MARCHF6: variants seen among roughly 807,000 people sequenced by gnomAD.
MARCHF6 encodes E3 ubiquitin-protein ligase MARCHF6.
MARCHF6 carries 31 observed loss-of-function variants against 133.7 expected under a neutral mutation model. The ratio of observed to expected loss-of-function variants is 0.23; its 90% CI spans 0.17 to 0.31. MARCHF6 has a LOEUF of 0.31. Among genes scored for constraint, MARCHF6 ranks in the 10% least tolerant of loss-of-function variants. MARCHF6 has a pLI of 1.00. For synonymous variants in MARCHF6, 395 were observed against 402.5 expected (o/e 0.98, Z 0.22); for missense variants, 723 against 1,121.6 (o/e 0.64, Z 5.08).
rs920024071 is a variant in MARCHF6, at chr5:10,353,844, C to T, written c.-55C>T. 2.0e-6 allele frequency: 3 copies of T among 1,528,650 alleles called. No individual in the cohort carries two copies. The highest frequency in any genetic ancestry group is 2.8e-5 in the African/African-American group (2 of 71,720). The allele number at this position is 1,528,650 out of a possible 1,614,324, so 94.7% of individuals were successfully genotyped here. A position where few individuals can be genotyped will look rare whatever the true frequency, so the allele number is the denominator to read the frequency against. On this transcript the variant is annotated 5_prime_UTR_variant, in exon 1 of 26. Coordinates refer to ENST00000274140, the MANE Select transcript of MARCHF6 (RefSeq NM_005885.4). ...CCCTCCTCCTCTCCCCTCCCTCTTT[C>T]CCCGCCCGGCCGCGGGAGCCTCGTG...
At chr5:10,421,908 T>C (rs1739842018) in intron 22 of MARCHF6, 1 of 152,252 alleles carries the variant, frequency 6.6e-6, no homozygotes, top group South Asian at 2.1e-4. Flanking sequence ...CAGAGGAAAT[T>C]ATAACAAGTG....
At chr5:10,412,565 A>T (rs1739291389) in intron 19 of MARCHF6, among the ~76,000 whole-genome samples, 1 of 152,060 alleles carries the variant, frequency 6.6e-6, no homozygotes, top group Non-Finnish European at 1.5e-5. Flanking sequence ...AGAATTGCAG[A>T]TAAGAGAGTT....
intron 14 of MARCHF6, 74 bp downstream of exon 14, chr5:10,402,681 CT>C: frequency 8.2e-7 from 1 of 1,225,854 alleles, no homozygotes; most frequent in Non-Finnish European, 1.2e-6. Context: ...AGCATGTATT[CT>C]TTTTAAAGGA....
chr5:10,353,997 G>A, intron 1 of MARCHF6, 80 bp downstream of exon 1: 1 of 1,406,450 alleles, frequency 7.1e-7, no homozygotes, highest in Non-Finnish European at 9.4e-7. Flanking sequence ...GGCGCTCGAG[G>A]TGGGCTGCTG....
chr5:10,377,940 C>T (rs374516064), intron 2 of MARCHF6, 46 bp downstream of exon 2: 18 of 1,101,470 alleles, frequency 1.6e-5, no homozygotes, highest in Admixed American at 5.1e-5. Context: ...GCTTCAGTTT[C>T]GTCATGTATA....
At chr5:10,396,835 T>C (rs962180408) in intron 9 of MARCHF6, among the ~76,000 whole-genome samples, 2 of 151,760 alleles carry the variant, frequency 1.3e-5, no homozygotes, top group African/African-American at 4.8e-5. Context: ...TCCAAAGGAG[T>C]GGTAGCCAGG....
In MARCHF6 at chr5:10,385,224, TG is replaced by T. The variant is rs1737395477; in HGVS notation, c.335-1768del. Among the ~76,000 whole-genome samples the T allele has an allele frequency of 2.0e-5, 3 of 152,354 alleles. No homozygotes were observed. In the East Asian group the frequency reaches 5.8e-4, roughly 29 times the overall value. On this transcript the variant is annotated intron_variant, in intron 4 of 25. Coordinates refer to ENST00000274140, the MANE Select transcript of MARCHF6 (RefSeq NM_005885.4). ...AGCTTGAGGGAGCCTTCTGGGGAGCTGGAAGTGTTGAACATCTTGATTTGGG... is the reference window on the plus strand; with the variant it reads ...AGCTTGAGGGAGCCTTCTGGGGAGCTGAAGTGTTGAACATCTTGATTTGGG...
In MARCHF6 at chr5:10,428,908, G is replaced by A. The variant is rs370621932; in HGVS notation, c.2507-985G>A. ...AAAAGAGTGGCAAATGAAAAATGTTGGTACCTGTTTTGCCCTGTTTAGATG... is the reference window on the plus strand; with the variant it reads ...AAAAGAGTGGCAAATGAAAAATGTTAGTACCTGTTTTGCCCTGTTTAGATG... On this transcript the variant is annotated intron_variant, in intron 24 of 25. Coordinates refer to ENST00000274140, the MANE Select transcript of MARCHF6 (RefSeq NM_005885.4). Among the ~76,000 whole-genome samples the A allele has an allele frequency of 9.9e-5, 15 of 152,212 alleles. No homozygotes were observed. In the South Asian group the frequency reaches 1.2e-3, roughly 13 times the overall value.
In MARCHF6 at chr5:10,353,906, C is replaced by T; in HGVS notation, c.8C>T (p.Thr3Ile). 13 of 1,564,672 alleles carry T rather than the reference C, an allele frequency of 8.3e-6. No homozygotes were observed. Among genetic ancestry groups the T allele is most frequent in the Non-Finnish European group, 1.0e-5 (12 of 1,159,892 alleles). The change falls in exon 1 of 26, where the codon ACC becomes ATC. Residue 3 changes from threonine to isoleucine, a missense_variant. Transcript: ENST00000274140. MDTAEEDICRVCR... is the reference protein window; with the variant it reads MDIAEEDICRVCR... The stretch of plus-strand genomic sequence containing the variant: ...GCCGCCCCCCCAGACAAGATGGACA[C>T]CGCGGAGGAAGGTAAGTCGGCGACG...
intron 1 of MARCHF6, among the ~76,000 whole-genome samples, chr5:10,372,928 G>A (rs574620725): frequency 1.3e-5 from 2 of 152,194 alleles, no homozygotes; most frequent in East Asian, 3.9e-4. Flanking sequence ...GGGCATGGTG[G>A]CTCATGCCTG....
At chr5:10,387,587 GCCACC>G (rs1737564369) in intron 5 of MARCHF6, among the ~76,000 whole-genome samples, 1 of 152,172 alleles carries the variant, frequency 6.6e-6, no homozygotes, top group Non-Finnish European at 1.5e-5. Flanking sequence ...ACAGGCGTGA[GCCACC>G]GCGCCCGTCC....
At chr5:10,430,136 C>A in intron 25 of MARCHF6, 108 bp downstream of exon 25, 1 of 1,303,860 alleles carries the variant, frequency 7.7e-7, no homozygotes, top group Non-Finnish European at 1.1e-6. Flanking sequence ...TCTGGATATA[C>A]TTGGAGGTGG....
intron 18 of MARCHF6, 152 bp downstream of exon 18, chr5:10,410,428 T>C (rs1739151223): frequency 1.1e-6 from 1 of 897,326 alleles, no homozygotes; most frequent in Non-Finnish European, 1.6e-6. Context: ...ATAATACTTC[T>C]AAATGAAATT....
intron 25 of MARCHF6, 21 bp from the exon 26 acceptor site, chr5:10,433,573 C>A (rs759392557): frequency 3.8e-6 from 6 of 1,577,128 alleles, no homozygotes; most frequent in Non-Finnish European, 5.2e-6. Flanking sequence ...AGAGAGTAAC[C>A]ACCTTGTTTT....
chr5:10,387,114 T>A, intron 5 of MARCHF6, 48 bp downstream of exon 5: 1 of 1,358,650 alleles, frequency 7.4e-7, no homozygotes, highest in Non-Finnish European at 1.0e-6. Context: ...TAGATGATGC[T>A]TGCTTTTTTC....
At chr5:10,410,896 T>G (rs1334913676) in intron 18 of MARCHF6, among the ~76,000 whole-genome samples, 1 of 152,224 alleles carries the variant, frequency 6.6e-6, no homozygotes, top group Non-Finnish European at 1.5e-5. Context: ...TGTAGCTACA[T>G]GTTGCAGTAG....
intron 1 of MARCHF6, among the ~76,000 whole-genome samples, chr5:10,367,261 A>G (rs1262679401): frequency 1.3e-5 from 2 of 152,228 alleles, no homozygotes; most frequent in African/African-American, 4.8e-5. Flanking sequence ...AGACTAAGGA[A>G]ATCAGAATAA....
intron 15 of MARCHF6, 129 bp downstream of exon 15, chr5:10,403,670 G>A (rs1235991630): frequency 8.7e-6 from 7 of 805,024 alleles, no homozygotes; most frequent in Non-Finnish European, 1.1e-5. Flanking sequence ...TATTCTAAGA[G>A]GGAATAACTT....
intron 1 of MARCHF6, among the ~76,000 whole-genome samples, chr5:10,366,485 G>A (rs985616912): frequency 3.3e-5 from 5 of 152,174 alleles, no homozygotes; most frequent in Admixed American, 1.3e-4. Context: ...ATAGTGCCAC[G>A]GTTATTACTT....
Sources: gnomAD v4.1 joint callset for allele counts (sites outside exome capture counted in the v4.1 genomes callset) on GRCh38, gnomAD v4.1.1 for gene constraint, MANE v1.5 for transcripts, NCBI Gene and HGNC (gene_info 2026-07-23, HGNC 2026-07-21) for gene names.